The following CTNNA3 variants were observed in gnomAD, a reference collection of about 807,000 sequenced individuals.
The protein encoded by CTNNA3 is catenin alpha 3, also known as catenin alpha-3.
In CTNNA3, 76 loss-of-function variants were observed where a neutral mutation model predicts 95.7. The ratio of observed to expected loss-of-function variants is 0.79; its 90% CI spans 0.66 to 0.96. CTNNA3 has a LOEUF of 0.96. Among genes scored for constraint, CTNNA3 ranks in the 40% least tolerant of loss-of-function variants. CTNNA3 has a pLI of 0.00. For synonymous variants in CTNNA3, 431 were observed against 374.4 expected, an observed-to-expected ratio of 1.15 and a Z score of -1.74; for missense variants, 1,191 against 1,089.8, an observed-to-expected ratio of 1.09 and a Z score of -1.31.
At position 67,641,243 on chromosome 10, in the gene CTNNA3, G is replaced by A. The variant is rs1448824795; in HGVS notation, c.99+6172C>T. 2.6e-5 allele frequency among the ~76,000 whole-genome samples: 4 copies of A among 152,090 alleles called. No homozygotes were observed. In the East Asian group the frequency reaches 5.8e-4, roughly 22 times the overall value. Reference sequence around the variant, plus strand: ...AAAGAAGACATTTATGCAGCCAAAAGACACATGAAAAAATGCTCATCATCA... The same window carrying A: ...AAAGAAGACATTTATGCAGCCAAAAAACACATGAAAAAATGCTCATCATCA... On this transcript the variant is annotated intron_variant, in intron 2 of 17. Transcript: ENST00000433211.
intron 11 of CTNNA3, among the ~76,000 whole-genome samples, chr10:66,460,413 T>C (rs780184745): frequency 1.3e-5 from 2 of 152,196 alleles, no homozygotes; most frequent in Non-Finnish European, 1.5e-5. Context: ...AGTTAAAAAA[T>C]AAAACAGTTC....
intron 5 of CTNNA3, among the ~76,000 whole-genome samples, chr10:67,410,599 G>A (rs1045689368): frequency 4.6e-4 from 69 of 149,262 alleles, no homozygotes; most frequent in Non-Finnish European, 8.4e-4. Context: ...ATGTAAATTA[G>A]TACAGCCTTA....
Position 65,920,187 on chromosome 10 carries a change from G to C in CTNNA3, c.*143C>G. The C allele has an allele frequency of 1.5e-6, 1 of 684,480 alleles. No homozygotes were observed. Among genetic ancestry groups the C allele is most frequent in the Non-Finnish European group, 2.5e-6 (1 of 403,522 alleles). 42.4% of individuals were successfully genotyped at this position (684,480 alleles called of 1,614,324 possible). A position where few individuals can be genotyped will look rare whatever the true frequency, so the allele number is the denominator to read the frequency against. ...ATGATCCCAAATATATATTGCTTTTGTTGATTTAGCGCCCAATATTTTATG... is the reference window on the plus strand; with the variant it reads ...ATGATCCCAAATATATATTGCTTTTCTTGATTTAGCGCCCAATATTTTATG... On this transcript the variant is annotated 3_prime_UTR_variant, in exon 18 of 18. Coordinates refer to ENST00000433211, the MANE Select transcript of CTNNA3 (RefSeq NM_013266.4).
chr10:66,420,413 A>G (rs1445996787), intron 11 of CTNNA3, among the ~76,000 whole-genome samples: 1 of 152,122 alleles, frequency 6.6e-6, no homozygotes, highest in Non-Finnish European at 1.5e-5. Flanking sequence ...ATTATTAAAA[A>G]CGCAGTAAAA....
At position 66,603,360 on chromosome 10, in the gene CTNNA3, C is replaced by T. The variant is rs571669511; in HGVS notation, c.1374+18332G>A. On this transcript the variant is annotated intron_variant, in intron 10 of 17. Transcript: ENST00000433211. ...TTACAATAGCTAAAAATATATATCA[C>T]ACATAAGAATAAATTTAATGAAGAA... Among the ~76,000 whole-genome samples the T allele has an allele frequency of 2.6e-5, 4 of 152,014 alleles. No individual in the cohort carries two copies. In the South Asian group the frequency reaches 8.3e-4, roughly 32 times the overall value.
chr10:66,564,747 G>C (rs1474561067), intron 10 of CTNNA3, among the ~76,000 whole-genome samples: 1 of 152,190 alleles, frequency 6.6e-6, no homozygotes, highest in Admixed American at 6.5e-5. Flanking sequence ...GGACAAGGAA[G>C]AGAACTAACA....
chr10:66,668,875 A>G (rs2132465669), intron 9 of CTNNA3, among the ~76,000 whole-genome samples: 1 of 152,160 alleles, frequency 6.6e-6, no homozygotes, highest in African/African-American at 2.4e-5. Flanking sequence ...TCATTGTGCA[A>G]AGTTCCCAAA....
intron 5 of CTNNA3, among the ~76,000 whole-genome samples, chr10:67,460,507 G>T (rs1403981279): frequency 1.3e-5 from 2 of 152,112 alleles, no homozygotes; most frequent in East Asian, 3.8e-4. Context: ...GAGACATACT[G>T]CAATTAGTAA....
chr10:66,417,788 A>G (rs977129402), intron 11 of CTNNA3, among the ~76,000 whole-genome samples: 11 of 152,010 alleles, frequency 7.2e-5, no homozygotes, highest in African/African-American at 2.7e-4. Context: ...CATTGTGTCA[A>G]TGAAGAAATT....
chr10:67,380,125 C>A (rs1843878152), intron 5 of CTNNA3, among the ~76,000 whole-genome samples: 1 of 151,500 alleles, frequency 6.6e-6, no homozygotes. Context: ...CTATGTAAGG[C>A]AATGTTCTTT....
At chr10:66,125,731 G>A (rs1365608593) in intron 13 of CTNNA3, among the ~76,000 whole-genome samples, 2 of 152,168 alleles carry the variant, frequency 1.3e-5, no homozygotes, top group Non-Finnish European at 2.9e-5. Flanking sequence ...TTATAGCTGG[G>A]TGAAAGAATC....
chr10:66,448,078 G>A (rs922463083), intron 11 of CTNNA3, among the ~76,000 whole-genome samples: 1 of 152,134 alleles, frequency 6.6e-6, no homozygotes, highest in Non-Finnish European at 1.5e-5. Flanking sequence ...ATGAAAAAAT[G>A]TTCATCATCA....
At chr10:67,063,478 G>A (rs1174176458) in intron 7 of CTNNA3, among the ~76,000 whole-genome samples, 2 of 152,182 alleles carry the variant, frequency 1.3e-5, no homozygotes, top group Non-Finnish European at 2.9e-5. Flanking sequence ...GCAGGGTCAA[G>A]AGTTCACTCC....
At chr10:66,520,864 A>C (rs2132021716) in intron 10 of CTNNA3, 91 bp from the exon 11 acceptor site, 1 of 680,046 alleles carries the variant, frequency 1.5e-6, no homozygotes, top group Middle Eastern at 3.4e-4. Flanking sequence ...CTTCACCACT[A>C]TGCAATATAT....
chr10:67,219,468 C>T, intron 6 of CTNNA3, 139 bp downstream of exon 6: 1 of 881,736 alleles, frequency 1.1e-6, no homozygotes, highest in South Asian at 2.3e-5. Context: ...CTTTGGAAGA[C>T]TCAAGAAGGT....
At chr10:66,873,071 A>G (rs1232190558) in intron 7 of CTNNA3, among the ~76,000 whole-genome samples, 1 of 152,152 alleles carries the variant, frequency 6.6e-6, no homozygotes, top group Non-Finnish European at 1.5e-5. Context: ...GTATATTACC[A>G]CATTTTCTTT....
At chr10:67,488,891 G>A (rs1311188084) in intron 5 of CTNNA3, among the ~76,000 whole-genome samples, 2 of 151,732 alleles carry the variant, frequency 1.3e-5, no homozygotes, top group African/African-American at 2.4e-5. Flanking sequence ...GCTGGTCATC[G>A]CATCTGGCTA....
chr10:66,557,198 G>C (rs1842418736), intron 10 of CTNNA3, among the ~76,000 whole-genome samples: 1 of 151,806 alleles, frequency 6.6e-6, no homozygotes, highest in South Asian at 2.1e-4. Context: ...GTGCATATTG[G>C]GAAAAGGCAC....
At chr10:67,706,357 A>C (rs1841078662) in intron 1 of CTNNA3, among the ~76,000 whole-genome samples, 1 of 152,018 alleles carries the variant, frequency 6.6e-6, no homozygotes, top group Admixed American at 6.6e-5. Context: ...TGCAGTTCTA[A>C]AGAGCTAAGT....
Sources: gnomAD v4.1 joint callset for allele counts (sites outside exome capture counted in the v4.1 genomes callset) on GRCh38, gnomAD v4.1.1 for gene constraint, MANE v1.5 for transcripts, NCBI Gene and HGNC (gene_info 2026-07-23, HGNC 2026-07-21) for gene names.